The following LARP1B variants were observed in gnomAD, a reference collection of about 807,000 sequenced individuals.
The protein encoded by LARP1B is La ribonucleoprotein 1B.
A neutral mutation model predicts 114.2 loss-of-function variants in LARP1B; 76 were observed. The observed-to-expected ratio is 0.67, with a 90% confidence interval of 0.55 to 0.81. The LOEUF (loss-of-function observed/expected upper bound fraction) is 0.81, where lower values mean the gene tolerates loss of function less well. LARP1B is among the 30% of genes least tolerant of loss of function. The probability of loss-of-function intolerance (pLI) is 0.00; values close to 1 mark genes in which losing one functional copy is unlikely to be tolerated. For missense variants in LARP1B, 1,014 were observed against 1,075.8 expected (o/e 0.94, Z 0.80); for synonymous variants, 345 against 348.0 (o/e 0.99, Z 0.10).
At chr4:128,087,210 C>T (rs144907462) in intron 5 of LARP1B, among the ~76,000 whole-genome samples, 4 of 152,222 alleles carry the variant, frequency 2.6e-5, no homozygotes, top group African/African-American at 7.2e-5. Flanking sequence ...TGCGATCCAC[C>T]GCATCCGGCC....
At chr4:128,171,557 A>G (rs542815425) in intron 12 of LARP1B, among the ~76,000 whole-genome samples, 10 of 152,312 alleles carry the variant, frequency 6.6e-5, no homozygotes, top group African/African-American at 1.9e-4. Flanking sequence ...TAAAAGGAGA[A>G]TAGTCTATTA....
chr4:128,177,368 G>A (rs1746681853), intron 13 of LARP1B, among the ~76,000 whole-genome samples: 1 of 151,908 alleles, frequency 6.6e-6, no homozygotes, highest in Admixed American at 6.6e-5. Flanking sequence ...GTTGTTATAT[G>A]AATCAAAAAA....
Position 128,082,237 on chromosome 4 carries a change from G to A in LARP1B, c.290G>A (p.Arg97Gln). The change falls in exon 5 of 20, where the codon CGG (arginine) becomes CAG (glutamine). Residue 97 changes from arginine (R) to glutamine (Q), a missense_variant. Transcript: ENST00000326639. ...RSESQERPGS[R>Q]NSSRCQPEAN... The stretch of plus-strand genomic sequence containing the variant: ...GAGAGTCAAGAAAGACCTGGATCCC[G>A]GAACAGCTCAAGATGTCAACCTGAA... 11 of 1,613,138 alleles carry A rather than the reference G, an allele frequency of 6.8e-6. No homozygotes were observed. Among genetic ancestry groups the A allele is most frequent in the Middle Eastern group, 1.7e-4 (1 of 5,720 alleles).
At chr4:128,156,924 G>A (rs982914931) in intron 11 of LARP1B, among the ~76,000 whole-genome samples, 3 of 148,712 alleles carry the variant, frequency 2.0e-5, no homozygotes, top group Non-Finnish European at 3.0e-5. Context: ...AATAAGGCTG[G>A]CATTTGGGTC....
chr4:128,122,236 G>A (rs750622359), intron 11 of LARP1B, 48 bp downstream of exon 11: 2 of 1,585,872 alleles, frequency 1.3e-6, no homozygotes, highest in East Asian at 4.5e-5. Context: ...TGTTTTGATT[G>A]TATGTTGCTG....
At chr4:128,096,566 CT>C (rs1778086279) in intron 7 of LARP1B, among the ~76,000 whole-genome samples, 1 of 151,542 alleles carries the variant, frequency 6.6e-6, no homozygotes, top group South Asian at 2.1e-4. Flanking sequence ...GATATTCCTT[CT>C]TTAGCTATAT....
At chr4:128,061,495 C>T (rs892384029) in intron 1 of LARP1B, 94 bp downstream of exon 1, 141 of 191,568 alleles carry the variant, frequency 7.4e-4, no homozygotes, top group Non-Finnish European at 1.2e-3. Context: ...GGGCGGTTGG[C>T]GCTCCGTTCG....
intron 17 of LARP1B, among the ~76,000 whole-genome samples, chr4:128,204,777 G>A (rs983260053): frequency 2.0e-5 from 3 of 151,926 alleles, no homozygotes; most frequent in African/African-American, 7.2e-5. Flanking sequence ...CCAATGATAT[G>A]CTTATCTCAC....
intron 17 of LARP1B, among the ~76,000 whole-genome samples, chr4:128,204,130 C>T (rs1236901432): frequency 2.0e-5 from 3 of 151,994 alleles, no homozygotes; most frequent in Non-Finnish European, 2.9e-5. Flanking sequence ...GTTGTATTGT[C>T]ATCCTTTATC....
intron 5 of LARP1B, among the ~76,000 whole-genome samples, chr4:128,088,279 C>G (rs1017939419): frequency 2.6e-5 from 4 of 152,084 alleles, no homozygotes; most frequent in African/African-American, 9.7e-5. Flanking sequence ...TTAAACTTCG[C>G]TTTGTGCACT....
intron 11 of LARP1B, among the ~76,000 whole-genome samples, chr4:128,135,644 C>T (rs1477759762): frequency 6.6e-6 from 1 of 152,066 alleles, no homozygotes; most frequent in East Asian, 1.9e-4. Flanking sequence ...GGACTTTATG[C>T]TAAGGGAAAT....
At chr4:128,153,721 T>TA (rs1231294838) in intron 11 of LARP1B, among the ~76,000 whole-genome samples, 1 of 152,240 alleles carries the variant, frequency 6.6e-6, no homozygotes, top group African/African-American at 2.4e-5. Flanking sequence ...TTTTATTTAT[T>TA]AACTGTATGC....
downstream of LARP1B, among the ~76,000 whole-genome samples, chr4:128,214,483 G>GGGTCCCT (rs1759381749): frequency 6.6e-6 from 1 of 151,916 alleles, no homozygotes; most frequent in East Asian, 1.9e-4. Flanking sequence ...CTCCTCAAGT[G>GGGTCCCT]GGTCCCTGAC....
At chr4:128,065,261 C>CTT (rs1491288556) in intron 1 of LARP1B, among the ~76,000 whole-genome samples, 1 of 83,798 alleles carries the variant, frequency 1.2e-5, no homozygotes, top group Non-Finnish European at 2.6e-5. Flanking sequence ...TAATTTCTTT[C>CTT]TTTCTTTCTT....
chr4:128,147,221 A>G (rs1293169879), intron 11 of LARP1B, among the ~76,000 whole-genome samples: 1 of 152,142 alleles, frequency 6.6e-6, no homozygotes, highest in Non-Finnish European at 1.5e-5. Flanking sequence ...TGAGGTGTGA[A>G]CTAGTTAGCC....
At chr4:128,199,847 A>G (rs1755370747) in intron 16 of LARP1B, among the ~76,000 whole-genome samples, 1 of 152,238 alleles carries the variant, frequency 6.6e-6, no homozygotes, top group Non-Finnish European at 1.5e-5. Flanking sequence ...GCACTTTGGG[A>G]GGCCGAGGCA....
intron 1 of LARP1B, chr4:128,062,117 C>G (rs928734213): frequency 6.1e-6 from 6 of 985,338 alleles, no homozygotes; most frequent in Admixed American, 6.1e-5. Context: ...GCAGCCGCCG[C>G]TGCTGCCGCC....
At chr4:128,065,278 T>C (rs951152830) in intron 1 of LARP1B, among the ~76,000 whole-genome samples, 3 of 129,636 alleles carry the variant, frequency 2.3e-5, no homozygotes, top group East Asian at 2.1e-4. Context: ...TCTTTCTTTC[T>C]TTCTTTCTTT....
intron 8 of LARP1B, 91 bp from the exon 9 acceptor site, chr4:128,107,048 A>G (rs551648096): frequency 9.7e-7 from 1 of 1,027,706 alleles, no homozygotes; most frequent in African/African-American, 1.6e-5. Context: ...TTAGTTTGCT[A>G]ATTTCAGGTT....
Sources: gnomAD v4.1 joint callset for allele counts (sites outside exome capture counted in the v4.1 genomes callset) on GRCh38, gnomAD v4.1.1 for gene constraint, MANE v1.5 for transcripts, NCBI Gene and HGNC (gene_info 2026-07-23, HGNC 2026-07-21) for gene names.